Variants in TRIM67 observed in about 807,000 individuals in gnomAD.
TRIM67 encodes tripartite motif-containing protein 67.
A neutral mutation model predicts 71.0 loss-of-function variants in TRIM67; 39 were observed. The observed-to-expected ratio is 0.55, with a 90% confidence interval of 0.43 to 0.72. The LOEUF (loss-of-function observed/expected upper bound fraction) is 0.72. TRIM67 is among the 30% of genes least tolerant of loss of function. The probability of loss-of-function intolerance (pLI) is 0.00; values close to 1 mark genes in which losing one functional copy is unlikely to be tolerated. For missense variants in TRIM67, 973 were observed against 1,079.2 expected (o/e 0.90, Z 1.38); for synonymous variants, 481 against 473.9 (o/e 1.01, Z -0.19).
chr1:231,185,151 C>A (rs1310943148), intron 1 of TRIM67: 1 of 1,532,736 alleles, frequency 6.5e-7, no homozygotes, highest in Non-Finnish European at 8.7e-7. Flanking sequence ...TGTGTGTTGT[C>A]CAGCCAGCCA....
chr1:231,193,634 A>G (rs1008734639), intron 1 of TRIM67, among the ~76,000 whole-genome samples: 2 of 151,250 alleles, frequency 1.3e-5, no homozygotes, highest in Admixed American at 1.3e-4. Context: ...TGGGTCATTT[A>G]TAAAGAAAGG....
chr1:231,213,813 A>G lies in TRIM67; in HGVS notation c.2124-2A>G. 6.3e-7 allele frequency: 1 copy of G among 1,585,690 alleles called. No homozygotes were observed. The highest frequency in any genetic ancestry group is 1.1e-5 in the South Asian group (1 of 87,108). On this transcript the variant is annotated splice_acceptor_variant, in intron 8 of 9. Coordinates refer to ENST00000366653, the MANE Select transcript of TRIM67 (RefSeq NM_001004342.5). LOFTEE classifies it high-confidence loss of function. Reference sequence around the variant, plus strand: ...TGGTCTTCCTGGGGACTCTCTTCCCAGGACGGAAGGTGGCGTGTGCAAGGG... The same window carrying G: ...TGGTCTTCCTGGGGACTCTCTTCCCGGGACGGAAGGTGGCGTGTGCAAGGG...
chr1:231,215,312 C>A, intron 9 of TRIM67, 63 bp from the exon 10 acceptor site: 1 of 1,573,096 alleles, frequency 6.4e-7, no homozygotes, highest in South Asian at 1.2e-5. Flanking sequence ...GCGGTGCTGT[C>A]AGAGCCCTCA....
intron 1 of TRIM67, among the ~76,000 whole-genome samples, chr1:231,164,670 G>A (rs1390213279): frequency 6.6e-6 from 1 of 152,140 alleles, no homozygotes; most frequent in African/African-American, 2.4e-5. Flanking sequence ...ATTATTCCTT[G>A]TAGTCTTACC....
In TRIM67 at chr1:231,162,871, C is replaced by T; in HGVS notation, c.-99C>T. On this transcript the variant is annotated 5_prime_UTR_variant, in exon 1 of 10. Coordinates refer to ENST00000366653, the MANE Select transcript of TRIM67 (RefSeq NM_001004342.5). The stretch of plus-strand genomic sequence containing the variant: ...ATGCCCGTGTGATGCCCCCGCCCGT[C>T]GTCTCACCGGGGCGCACCGCGCTGG... 5 of 1,480,052 alleles carry T rather than the reference C, an allele frequency of 3.4e-6. No homozygotes were observed. The highest frequency in any genetic ancestry group is 3.6e-6 in the Non-Finnish European group (4 of 1,109,622). 91.7% of individuals were successfully genotyped at this position (1,480,052 alleles called of 1,614,324 possible). A position where few individuals can be genotyped will look rare whatever the true frequency, so the allele number is the denominator to read the frequency against.
chr1:231,220,223 G>A lies in TRIM67; in HGVS notation c.*4783G>A, dbSNP rs1684109487. 3.0e-6 allele frequency: 1 copy of A among 328,162 alleles called. No individual in the cohort carries two copies. The highest frequency in any genetic ancestry group is 2.5e-5 in the South Asian group (1 of 39,606). The allele number at this position is 328,162 out of a possible 1,614,324, so 20.3% of individuals were successfully genotyped here. On this transcript the variant is annotated 3_prime_UTR_variant, in exon 10 of 10. Transcript: ENST00000366653. ...TTCCATCCAAGCCTCCTTGTGACCA[G>A]GGCAAGGAGCTGCCTGGCCTCCAGT...
chr1:231,185,669 C>T (rs1683050868), intron 1 of TRIM67, among the ~76,000 whole-genome samples: 1 of 151,876 alleles, frequency 6.6e-6, no homozygotes, highest in Admixed American at 6.6e-5. Context: ...TGTTGAGTGC[C>T]CGTTCTGCAC....
Position 231,216,843 on chromosome 1 carries a change from C to A in TRIM67, c.*1403C>A. 1 of 985,138 alleles carries A rather than the reference C, an allele frequency of 1.0e-6. No homozygotes were observed. Among genetic ancestry groups the A allele is most frequent in the Non-Finnish European group, 1.2e-6 (1 of 829,624 alleles). The allele number at this position is 985,138 out of a possible 1,614,324, so 61.0% of individuals were successfully genotyped here. A position where few individuals can be genotyped will look rare whatever the true frequency, so the allele number is the denominator to read the frequency against. On this transcript the variant is annotated 3_prime_UTR_variant, in exon 10 of 10. Transcript: ENST00000366653. Reference sequence around the variant, plus strand: ...TGCCAGGCTCTTGTTCCCAGGGAACCCTTCCTCTCCTCCCTCCTCTCATCT... The same window carrying A: ...TGCCAGGCTCTTGTTCCCAGGGAACACTTCCTCTCCTCCCTCCTCTCATCT...
chr1:231,193,829 C>G (rs368362583), intron 1 of TRIM67, among the ~76,000 whole-genome samples: 19 of 152,112 alleles, frequency 1.2e-4, no homozygotes, highest in African/African-American at 4.3e-4. Context: ...AACCAGTTCT[C>G]GTGGGGACTA....
At chr1:231,194,093 C>T (rs994680168) in intron 1 of TRIM67, among the ~76,000 whole-genome samples, 2 of 152,218 alleles carry the variant, frequency 1.3e-5, no homozygotes, top group Admixed American at 6.5e-5. Flanking sequence ...CTCCAGAACT[C>T]TGAGAAATCC....
chr1:231,180,805 T>G lies in TRIM67; in HGVS notation c.1045-16566T>G, dbSNP rs373482208. ...GTCTGTCTGAATGCGGAGGCCATGT[T>G]TGCTAGATTTTATCATTTGTTCAAA... On this transcript the variant is annotated intron_variant, in intron 1 of 9. Transcript: ENST00000366653. 7.9e-5 allele frequency among the ~76,000 whole-genome samples: 12 copies of G among 152,338 alleles called. No individual in the cohort carries two copies. The South Asian group carries it at 2.5e-3, about 32-fold the overall frequency.
chr1:231,213,617 GCTA>G (rs1558309078), intron 8 of TRIM67, among the ~76,000 whole-genome samples, 195 bp from the exon 9 acceptor site: 1 of 152,094 alleles, frequency 6.6e-6, no homozygotes, highest in Non-Finnish European at 1.5e-5. Flanking sequence ...TGTAGTCCCA[GCTA>G]CTCGGGAGGC....
At chr1:231,176,532 G>A (rs1682754432) in intron 1 of TRIM67, among the ~76,000 whole-genome samples, 1 of 152,206 alleles carries the variant, frequency 6.6e-6, no homozygotes, top group Non-Finnish European at 1.5e-5. Flanking sequence ...TAAAGAAGAT[G>A]TTTAAAATAT....
chr1:231,192,336 A>G (rs932577992), intron 1 of TRIM67, among the ~76,000 whole-genome samples: 1 of 152,096 alleles, frequency 6.6e-6, no homozygotes, highest in Non-Finnish European at 1.5e-5. Flanking sequence ...AATGTTTTGT[A>G]GAGACAACAG....
At chr1:231,215,219 G>A (rs1008441168) in intron 9 of TRIM67, among the ~76,000 whole-genome samples, 156 bp from the exon 10 acceptor site, 3 of 152,168 alleles carry the variant, frequency 2.0e-5, no homozygotes, top group Non-Finnish European at 4.4e-5. Context: ...GAATACTGGG[G>A]GACGTAATAT....
intron 1 of TRIM67, chr1:231,185,131 C>G (rs757909694): frequency 7.4e-4 from 1,133 of 1,532,890 alleles, no homozygotes; most frequent in Non-Finnish European, 8.8e-4. Flanking sequence ...GTTGCTGGCT[C>G]AATGGGAAGT....
intron 1 of TRIM67, among the ~76,000 whole-genome samples, chr1:231,183,056 G>T (rs116358746): frequency 4.7e-4 from 71 of 152,322 alleles, no homozygotes; most frequent in African/African-American, 1.6e-3. Flanking sequence ...GCAGGAGCTC[G>T]TGGGGAACTC....
At chr1:231,187,294 A>T (rs1683109194) in intron 1 of TRIM67, among the ~76,000 whole-genome samples, 1 of 152,166 alleles carries the variant, frequency 6.6e-6, no homozygotes, top group African/African-American at 2.4e-5. Flanking sequence ...GAAGGAGATC[A>T]TCTGCCTGGC....
At chr1:231,214,036 C>T (rs139355636) in intron 9 of TRIM67, 59 bp downstream of exon 9, 20 of 1,516,684 alleles carry the variant, frequency 1.3e-5, no homozygotes, top group South Asian at 2.6e-5. Flanking sequence ...TGCCACAGGT[C>T]TCTGCAGTGC....
Sources: allele counts gnomAD v4.1 joint callset (sites outside exome capture counted in the v4.1 genomes callset), GRCh38; gene constraint gnomAD v4.1.1; transcripts MANE v1.5; gene names NCBI Gene and HGNC (gene_info 2026-07-23, HGNC 2026-07-21).